Variants in LRFN2 observed in about 807,000 individuals in gnomAD.
LRFN2 encodes the protein leucine-rich repeat and fibronectin type-III domain-containing protein 2.
Under a neutral mutation model 37.3 loss-of-function variants are expected in LRFN2, and 18 were observed. The observed-to-expected ratio is 0.48, with a 90% CI of 0.33 to 0.72. The LOEUF (loss-of-function observed/expected upper bound fraction) is 0.72, where lower values mean the gene tolerates loss of function less well. LRFN2 is among the 30% of genes least tolerant of loss of function. LRFN2 has a pLI of 0.02. For synonymous variants in LRFN2, 556 were observed against 466.6 expected (o/e 1.19, Z -2.47); for missense variants, 1,006 against 1,060.7 (o/e 0.95, Z 0.72).
At chr6:40,420,971 C>G (rs770623213) in intron 2 of LRFN2, among the ~76,000 whole-genome samples, 1 of 152,188 alleles carries the variant, frequency 6.6e-6, no homozygotes, top group Non-Finnish European at 1.5e-5. Flanking sequence ...TGAGCATAGA[C>G]CATGTATCTG....
intron 1 of LRFN2, among the ~76,000 whole-genome samples, chr6:40,574,325 T>G (rs1767236944): frequency 6.6e-6 from 1 of 152,182 alleles, no homozygotes; most frequent in South Asian, 2.1e-4. Flanking sequence ...AAGAGCTAAG[T>G]GACTTGCATG....
At chr6:40,501,500 T>A (rs1430268787) in intron 1 of LRFN2, 13 of 151,260 alleles carry the variant, frequency 8.6e-5, no homozygotes, top group South Asian at 4.2e-4. Context: ...TTTTTTTTTT[T>A]AATTTTTAGC....
chr6:40,542,942 C>T (rs969312890), intron 1 of LRFN2, among the ~76,000 whole-genome samples: 2 of 152,252 alleles, frequency 1.3e-5, no homozygotes, highest in East Asian at 1.9e-4. Flanking sequence ...TAGACAGAGG[C>T]TGTTTGCAAA....
At chr6:40,485,991 A>C (rs9471356) in intron 1 of LRFN2, among the ~76,000 whole-genome samples, 7,394 of 152,300 alleles carry the variant, frequency 0.049, 544 homozygotes, top group African/African-American at 0.16. Flanking sequence ...CTCAGCCCCC[A>C]CTGGAGAACT....
At chr6:40,503,508 T>C (rs1374962390) in intron 1 of LRFN2, among the ~76,000 whole-genome samples, 10 of 152,166 alleles carry the variant, frequency 6.6e-5, no homozygotes, top group Non-Finnish European at 1.3e-4. Flanking sequence ...AGCTCTATTG[T>C]AGACAGGTAG....
At chr6:40,470,441 C>T (rs915060297) in intron 1 of LRFN2, among the ~76,000 whole-genome samples, 15 of 152,192 alleles carry the variant, frequency 9.9e-5, no homozygotes, top group African/African-American at 3.6e-4. Flanking sequence ...GAAACCCCTT[C>T]TTAACTAAAA....
At chr6:40,393,015 G>A (rs1581671136) in intron 2 of LRFN2, 103 bp from the exon 3 acceptor site, 1 of 933,786 alleles carries the variant, frequency 1.1e-6, no homozygotes. Context: ...GATGGGGAGG[G>A]GGAGGGGAGG....
intron 1 of LRFN2, among the ~76,000 whole-genome samples, chr6:40,443,635 C>G (rs761363747): frequency 6.6e-6 from 1 of 152,206 alleles, no homozygotes; most frequent in Non-Finnish European, 1.5e-5. Flanking sequence ...TTGCTGTCCT[C>G]TGTCCCTGCA....
At chr6:40,529,848 T>C (rs1317537500) in intron 1 of LRFN2, among the ~76,000 whole-genome samples, 1 of 152,266 alleles carries the variant, frequency 6.6e-6, no homozygotes, top group Non-Finnish European at 1.5e-5. Context: ...CTCAGCCTAG[T>C]GCCTGGCACA....
At chr6:40,414,021 C>G (rs1429074313) in intron 2 of LRFN2, among the ~76,000 whole-genome samples, 1 of 152,172 alleles carries the variant, frequency 6.6e-6, no homozygotes, top group Non-Finnish European at 1.5e-5. Context: ...CCAAGACGCT[C>G]GTCTCACCCC....
chr6:40,407,569 C>T (rs1463409524), intron 2 of LRFN2, among the ~76,000 whole-genome samples: 1 of 152,222 alleles, frequency 6.6e-6, no homozygotes, highest in Non-Finnish European at 1.5e-5. Flanking sequence ...TCATTTATCT[C>T]CTGGAGGAGC....
intron 1 of LRFN2, among the ~76,000 whole-genome samples, chr6:40,527,118 G>A (rs1766269376): frequency 6.6e-6 from 1 of 152,170 alleles, no homozygotes; most frequent in Non-Finnish European, 1.5e-5. Context: ...AAATTCCTTT[G>A]GAAGAGTGGC....
At chr6:40,566,054 C>T (rs1055633043) in intron 1 of LRFN2, among the ~76,000 whole-genome samples, 9 of 152,008 alleles carry the variant, frequency 5.9e-5, no homozygotes, top group African/African-American at 2.2e-4. Context: ...AACAAACAGC[C>T]CCATCAAAAA....
chr6:40,507,918 C>A (rs1025706889), intron 1 of LRFN2, among the ~76,000 whole-genome samples: 3 of 152,020 alleles, frequency 2.0e-5, no homozygotes, highest in Non-Finnish European at 4.4e-5. Context: ...CAAATGTGTG[C>A]CTTTTATGAC....
At chr6:40,568,844 C>T (rs1391426269) in intron 1 of LRFN2, among the ~76,000 whole-genome samples, 1 of 152,130 alleles carries the variant, frequency 6.6e-6, no homozygotes, top group Non-Finnish European at 1.5e-5. Context: ...ACCTCAGCCT[C>T]CCGAGTAGCT....
chr6:40,434,771 C>T (rs114196221), intron 1 of LRFN2, among the ~76,000 whole-genome samples: 3,733 of 151,724 alleles, frequency 0.025, 75 homozygotes, highest in East Asian at 0.08. Flanking sequence ...AGCCACCGTG[C>T]CCAGCCCCTC....
chr6:40,515,425 G>A (rs1373999691), intron 1 of LRFN2, among the ~76,000 whole-genome samples: 1 of 152,174 alleles, frequency 6.6e-6, no homozygotes, highest in African/African-American at 2.4e-5. Context: ...ACTCTGTTGG[G>A]GGTTTGAATC....
At position 40,431,935 on chromosome 6, in the gene LRFN2, C is replaced by G; in HGVS notation, c.1179G>C (p.Lys393Asn). 6.2e-7 allele frequency: 1 copy of G among 1,613,428 alleles called. No individual in the cohort carries two copies. The highest frequency in any genetic ancestry group is 8.5e-7 in the Non-Finnish European group (1 of 1,179,764). Reference protein sequence around the residue: ...SNSTSRTAPPKSRLSDITGSS... With the variant: ...SNSTSRTAPPNSRLSDITGSS... ...AGCCAGTGATGTCTGAGAGGCGGGA[C>G]TTGGGGGGTGCAGTGCGGCTGGTGC... is the stretch of plus-strand genomic sequence containing the variant. The change falls in exon 2 of 3, where the codon AAG (lysine) becomes AAC (asparagine). Residue 393 changes from lysine to asparagine, a missense_variant. Coordinates refer to ENST00000338305, the MANE Select transcript of LRFN2 (RefSeq NM_020737.3).
chr6:40,423,215 A>C lies in LRFN2; in HGVS notation c.1400+8499T>G, dbSNP rs76515601. On this transcript the variant is annotated intron_variant, in intron 2 of 2. Transcript: ENST00000338305. ...TCTTTCAGAACTCCCAATTGAAGTG[A>C]AAATATTTCTGAAAGGGGTTATACC... Among the ~76,000 whole-genome samples the C allele has an allele frequency of 8.6e-3, 1,315 of 152,350 alleles. 18 individuals are homozygous for C. The highest frequency in any genetic ancestry group is 0.029 in the African/African-American group (1,204 of 41,576).
Sources: allele counts gnomAD v4.1 joint callset (sites outside exome capture counted in the v4.1 genomes callset), GRCh38; gene constraint gnomAD v4.1.1; transcripts MANE v1.5; gene names NCBI Gene and HGNC (gene_info 2026-07-23, HGNC 2026-07-21).